Variants in LANCL1 observed in about 807,000 individuals in gnomAD.
LANCL1 encodes glutathione S-transferase LANCL1.
A neutral mutation model predicts 50.6 loss-of-function variants in LANCL1; 50 were observed. That is an observed-to-expected ratio of 0.99 (90% CI 0.79 to 1.25). The LOEUF (loss-of-function observed/expected upper bound fraction) is 1.25, where lower values mean the gene tolerates loss of function less well. Among genes scored for constraint, LANCL1 ranks in the 50% most tolerant of loss-of-function variants. The pLI is 0.00. For synonymous variants in LANCL1, 188 were observed against 178.6 expected (o/e 1.05, Z -0.42); for missense variants, 532 against 480.7 (o/e 1.11, Z -1.00).
rs1442320121 is a variant in LANCL1 at position 210,441,393 on chromosome 2, T to C, written c.458A>G (p.Tyr153Cys). Residue 153 changes from tyrosine to cysteine, a missense_variant, in exon 5 of 10, where the codon TAT becomes TGT. Physicochemically the swap from Tyr to Cys is radical, Grantham distance 194. Transcript: ENST00000450366. ...AGCATAGATGTAGCCTATTCGCCCATAGAGCATTTCATTTGGAGCATGAGG... is the reference window on the plus strand; with the variant it reads ...AGCATAGATGTAGCCTATTCGCCCACAGAGCATTTCATTTGGAGCATGAGG... Reference protein sequence around the residue: ...IDPHAPNEMLYGRIGYIYALL... With the variant: ...IDPHAPNEMLCGRIGYIYALL... 10 of 1,612,250 alleles carry C rather than the reference T, an allele frequency of 6.2e-6. No individual in the cohort carries two copies. Among genetic ancestry groups the C allele is most frequent in the African/African-American group, 4.0e-5 (3 of 74,890 alleles).
Position 210,476,741 on chromosome 2 carries a change from A to G in LANCL1, c.-138T>C. 9.4e-7 allele frequency: 1 copy of G among 1,068,248 alleles called. No homozygotes were observed. Among genetic ancestry groups the G allele is most frequent in the East Asian group, 7.2e-5 (1 of 13,822 alleles). 66.2% of individuals were successfully genotyped at this position (1,068,248 alleles called of 1,614,324 possible). A position where few individuals can be genotyped will look rare whatever the true frequency, so the allele number is the denominator to read the frequency against. ...TCTCACCCCGCAGCCCCGGACAGTAACAGAAGGGCTATTTTACCGCCCAGT... is the reference window on the plus strand; with the variant it reads ...TCTCACCCCGCAGCCCCGGACAGTAGCAGAAGGGCTATTTTACCGCCCAGT... On this transcript the variant is annotated 5_prime_UTR_variant, in exon 1 of 10. Transcript: ENST00000450366.
chr2:210,476,478 C>G, intron 1 of LANCL1, 66 bp from the exon 2 acceptor site: 1 of 1,326,464 alleles, frequency 7.5e-7, no homozygotes, highest in Non-Finnish European at 9.7e-7. Flanking sequence ...GCGAGGGCGG[C>G]GGCGGCGCCC....
chr2:210,436,602 T>C (rs1449492011), intron 7 of LANCL1, among the ~76,000 whole-genome samples: 1 of 152,184 alleles, frequency 6.6e-6, no homozygotes. Context: ...CTTTGGCATG[T>C]ACAGTCTAAG....
chr2:210,474,837 AG>A (rs1176301003), intron 2 of LANCL1, among the ~76,000 whole-genome samples: 1 of 152,220 alleles, frequency 6.6e-6, no homozygotes, highest in Admixed American at 6.5e-5. Flanking sequence ...TTCTGTCACT[AG>A]GACAATCCTC....
At position 210,450,284 on chromosome 2, in the gene LANCL1, C is replaced by G. The variant is rs575611321; in HGVS notation, c.407+4823G>C. On this transcript the variant is annotated intron_variant, in intron 4 of 9. Coordinates refer to ENST00000450366, the MANE Select transcript of LANCL1 (RefSeq NM_006055.3). The stretch of plus-strand genomic sequence containing the variant: ...AATAAATGGTGCTGGGATAACTGGC[C>G]AGCCATATACAGAAAACTGAAACTG... Among the ~76,000 whole-genome samples the G allele has an allele frequency of 2.0e-5, 3 of 152,144 alleles. No homozygotes were observed. In the South Asian group the frequency reaches 6.2e-4, roughly 32 times the overall value.
At chr2:210,466,457 T>C (rs1694063070) in intron 3 of LANCL1, among the ~76,000 whole-genome samples, 1 of 152,178 alleles carries the variant, frequency 6.6e-6, no homozygotes, top group Non-Finnish European at 1.5e-5. Flanking sequence ...TTACTGCCCC[T>C]AGTATAAGAA....
At chr2:210,472,853 A>C (rs577689617) in intron 2 of LANCL1, among the ~76,000 whole-genome samples, 1 of 152,276 alleles carries the variant, frequency 6.6e-6, no homozygotes, top group African/African-American at 2.4e-5. Flanking sequence ...AGGGATGTAA[A>C]TGTTGACATT....
At position 210,476,343 on chromosome 2, in the gene LANCL1, G is replaced by A. The variant is rs747401652; in HGVS notation, c.54C>T (p.Ala18=). ...TCCCGGCAGCATCAAAGTAGCCTTC[G>A]GCCAGGGATTTGTTATAATCAGCAT... is the stretch of plus-strand genomic sequence containing the variant. The part of the protein sequence containing the change: ...NPYADYNKSL[A]EGYFDAAGRL... The change falls in exon 2 of 10, where the codon GCC becomes GCT. Residue 18 remains alanine, a synonymous_variant. Coordinates refer to ENST00000450366, the MANE Select transcript of LANCL1 (RefSeq NM_006055.3). 9 of 1,613,970 alleles carry A rather than the reference G, an allele frequency of 5.6e-6. No individual in the cohort carries two copies. Among genetic ancestry groups the A allele is most frequent in the Non-Finnish European group, 6.8e-6 (8 of 1,179,900 alleles).
intron 4 of LANCL1, among the ~76,000 whole-genome samples, chr2:210,443,410 G>A (rs1292361621): frequency 1.3e-5 from 2 of 152,098 alleles, no homozygotes; most frequent in East Asian, 3.9e-4. Flanking sequence ...TTAATTTTTG[G>A]TGAAACTTAA....
chr2:210,471,566 G>A (rs889314268), intron 3 of LANCL1: 1 of 462,038 alleles, frequency 2.2e-6, no homozygotes. Flanking sequence ...CATGCTTCTG[G>A]ACATATTTTA....
intron 5 of LANCL1, 68 bp from the exon 6 acceptor site, chr2:210,440,812 CTT>C: frequency 6.8e-7 from 1 of 1,461,828 alleles, no homozygotes; most frequent in Non-Finnish European, 9.3e-7. Flanking sequence ...GAGGTAAAGA[CTT>C]TTTTGCTAAG....
Position 210,461,288 on chromosome 2 carries a change from T to C in LANCL1, c.200-5974A>G, listed in dbSNP as rs571321419. ...AATCCATGCCCATAGCTCTTTCTAC[T>C]TGTCCTAACACCTCTGGCTGGGTGG... On this transcript the variant is annotated intron_variant, in intron 3 of 9. Coordinates refer to ENST00000450366, the MANE Select transcript of LANCL1 (RefSeq NM_006055.3). 6.6e-5 allele frequency among the ~76,000 whole-genome samples: 10 copies of C among 152,190 alleles called. No individual in the cohort carries two copies. The East Asian group carries it at 1.7e-3, about 27-fold the overall frequency.
intron 8 of LANCL1, 33 bp from the exon 9 acceptor site, chr2:210,435,492 G>C (rs759436009): frequency 6.4e-7 from 1 of 1,559,210 alleles, no homozygotes; most frequent in Non-Finnish European, 8.8e-7. Flanking sequence ...TTAGTATAGT[G>C]ATTTCTTCCA....
chr2:210,473,363 G>A (rs978141488), intron 2 of LANCL1, among the ~76,000 whole-genome samples: 6 of 151,964 alleles, frequency 3.9e-5, no homozygotes, highest in East Asian at 1.9e-4. Context: ...CAACAAGAGC[G>A]AAACTCCATC....
At chr2:210,441,468 A>G (rs1243418087) in intron 4 of LANCL1, 25 bp from the exon 5 acceptor site, 5 of 1,586,904 alleles carry the variant, frequency 3.2e-6, no homozygotes, top group South Asian at 2.3e-5. Flanking sequence ...ACATGCCCCA[A>G]ATAATTTGAA....
intron 3 of LANCL1, among the ~76,000 whole-genome samples, chr2:210,465,415 T>C (rs367950770): frequency 6.6e-6 from 1 of 152,140 alleles, no homozygotes; most frequent in East Asian, 1.9e-4. Flanking sequence ...AATGTAACCA[T>C]AGATTGAGGT....
At chr2:210,472,135 A>G (rs1351399055) in intron 2 of LANCL1, 59 bp from the exon 3 acceptor site, 3 of 1,117,614 alleles carry the variant, frequency 2.7e-6, no homozygotes, top group African/African-American at 3.1e-5. Context: ...TTGCTGGACT[A>G]TAAGCTATCA....
chr2:210,449,292 A>G (rs559215214), intron 4 of LANCL1, among the ~76,000 whole-genome samples: 2 of 152,298 alleles, frequency 1.3e-5, no homozygotes, highest in Non-Finnish European at 2.9e-5. Context: ...GCCTTCCACA[A>G]AATTCAACAG....
At chr2:210,476,989 G>A (rs1007235915), upstream of LANCL1, among the ~76,000 whole-genome samples, 1 of 151,872 alleles carries the variant, frequency 6.6e-6, no homozygotes, top group African/African-American at 2.4e-5. Context: ...TTTAAGTCCA[G>A]AGTCATAAGA....
Sources: gnomAD v4.1 joint callset for allele counts (sites outside exome capture counted in the v4.1 genomes callset) on GRCh38, gnomAD v4.1.1 for gene constraint, MANE v1.5 for transcripts, NCBI Gene and HGNC (gene_info 2026-07-23, HGNC 2026-07-21) for gene names.